The following AHCTF1 variants were observed in gnomAD, a reference collection of about 807,000 sequenced individuals.
AHCTF1 encodes the protein protein ELYS.
In AHCTF1, 24 loss-of-function variants were observed where a neutral mutation model predicts 248.4. That is an observed-to-expected ratio of 0.10 (90% CI 0.07 to 0.14). The LOEUF is 0.14. AHCTF1 is among the 10% of genes least tolerant of loss of function. The probability of loss-of-function intolerance (pLI) is 1.00; values close to 1 mark genes in which losing one functional copy is unlikely to be tolerated. For missense variants in AHCTF1, 2,206 were observed against 2,636.2 expected, an observed-to-expected ratio of 0.84 and a Z score of 3.57; for synonymous variants, 786 against 929.8, an observed-to-expected ratio of 0.85 and a Z score of 2.81.
At chr1:246,869,090 C>T (rs567379852) in intron 24 of AHCTF1, among the ~76,000 whole-genome samples, 82 of 151,212 alleles carry the variant, frequency 5.4e-4, no homozygotes, top group African/African-American at 1.3e-3. Flanking sequence ...GTGATCCGCC[C>T]GCCTTGGCCT....
At chr1:246,889,932 T>C (rs768295753) in intron 17 of AHCTF1, 34 bp downstream of exon 17, 5 of 1,513,598 alleles carry the variant, frequency 3.3e-6, no homozygotes, top group Non-Finnish European at 3.6e-6. Context: ...TTTGACTTCT[T>C]ACAGATGTAA....
rs968976814 is a variant in AHCTF1, at chr1:246,843,684, T to C, written c.6525+111A>G. 1.9e-5 allele frequency: 18 copies of C among 925,410 alleles called. No individual in the cohort carries two copies. In the African/African-American group the frequency reaches 2.8e-4, roughly 15 times the overall value. 57.3% of individuals were successfully genotyped at this position (925,410 alleles called of 1,614,324 possible). Reference sequence around the variant, plus strand: ...ATCTTTAAGACATTTATTTAAATAATAAACAAAATTTAAAATCATTAAAAT... The same window carrying C: ...ATCTTTAAGACATTTATTTAAATAACAAACAAAATTTAAAATCATTAAAAT... On this transcript the variant is annotated intron_variant, in intron 34 of 35. Transcript: ENST00000648844.
chr1:246,870,458 T>A lies in AHCTF1; in HGVS notation c.3089-2647A>T, dbSNP rs116706274. Among the ~76,000 whole-genome samples the A allele has an allele frequency of 8.2e-3, 1,245 of 152,174 alleles. 19 individuals carry two copies. The highest frequency in any genetic ancestry group is 0.029 in the African/African-American group (1,206 of 41,496). On this transcript the variant is annotated intron_variant, in intron 24 of 35. Transcript: ENST00000648844. Reference sequence around the variant, plus strand: ...AAAAACAGACTAAAGATGTGATGAATTGCTGTAATCTCATGATAAAACATG... The same window carrying A: ...AAAAACAGACTAAAGATGTGATGAAATGCTGTAATCTCATGATAAAACATG...
chr1:246,909,509 T>C (rs1460887114), intron 4 of AHCTF1, among the ~76,000 whole-genome samples: 1 of 151,886 alleles, frequency 6.6e-6, no homozygotes, highest in Non-Finnish European at 1.5e-5. Context: ...ATCCACACTG[T>C]ATAAGCCACC....
At chr1:246,870,848 C>T (rs776894710) in intron 24 of AHCTF1, among the ~76,000 whole-genome samples, 17 of 151,922 alleles carry the variant, frequency 1.1e-4, no homozygotes, top group South Asian at 2.1e-4. Flanking sequence ...TGAAAATGGC[C>T]GGATTCTGTC....
intron 33 of AHCTF1, among the ~76,000 whole-genome samples, chr1:246,845,964 TCTTA>T (rs59221281): frequency 0.21 from 32,304 of 151,330 alleles, 3,764 homozygotes; most frequent in East Asian, 0.41. Context: ...GAACAACACA[TCTTA>T]CTTATTCCCT....
chr1:246,849,052 G>GA (rs1660499936), intron 33 of AHCTF1, among the ~76,000 whole-genome samples: 1 of 152,108 alleles, frequency 6.6e-6, no homozygotes, highest in African/African-American at 2.4e-5. Flanking sequence ...TCCCTTTGGG[G>GA]AGAGATCACC....
At chr1:246,867,161 T>C (rs1662037419) in intron 26 of AHCTF1, 83 bp downstream of exon 26, 1 of 704,392 alleles carries the variant, frequency 1.4e-6, no homozygotes, top group Non-Finnish European at 2.3e-6. Flanking sequence ...TAAAAGTCTA[T>C]AAAATGTTAA....
At chr1:246,929,713 T>C (rs1667190612) in intron 1 of AHCTF1, among the ~76,000 whole-genome samples, 6 of 152,160 alleles carry the variant, frequency 3.9e-5, no homozygotes, top group Admixed American at 3.9e-4. Context: ...TCCCTGAAAA[T>C]ATTAAAGGTA....
chr1:246,853,063 A>T (rs1409575411), intron 32 of AHCTF1, 28 bp downstream of exon 32: 4 of 1,556,570 alleles, frequency 2.6e-6, no homozygotes, highest in Middle Eastern at 1.7e-4. Flanking sequence ...AAAGACTGAT[A>T]AAGAAGTAAA....
chr1:246,869,981 G>A (rs892364501), intron 24 of AHCTF1, among the ~76,000 whole-genome samples: 2 of 152,228 alleles, frequency 1.3e-5, no homozygotes, highest in African/African-American at 4.8e-5. Flanking sequence ...CACCATTCTA[G>A]ATGCCATTCA....
intron 24 of AHCTF1, among the ~76,000 whole-genome samples, chr1:246,868,414 C>T (rs1487121045): frequency 6.8e-6 from 1 of 147,970 alleles, no homozygotes; most frequent in Non-Finnish European, 1.5e-5. Context: ...AGCCACTGCG[C>T]CTGGCAATTT....
At chr1:246,878,376 G>A (rs991622757) in intron 21 of AHCTF1, among the ~76,000 whole-genome samples, 2 of 92,450 alleles carry the variant, frequency 2.2e-5, no homozygotes, top group African/African-American at 8.7e-5. Flanking sequence ...CAGCCTGGCA[G>A]ACAGAGCAAG....
chr1:246,840,742 T>C lies in AHCTF1; in HGVS notation c.*64A>G. The stretch of plus-strand genomic sequence containing the variant: ...AAATTATTTTCTTCCAAACTAGATA[T>C]TTAATAATCCACACTATTCTGATGA... On this transcript the variant is annotated 3_prime_UTR_variant, in exon 36 of 36. Coordinates refer to ENST00000648844, the MANE Select transcript of AHCTF1 (RefSeq NM_001323342.2). The C allele has an allele frequency of 8.4e-7, 1 of 1,196,690 alleles. No homozygotes were observed. The highest frequency in any genetic ancestry group is 1.1e-6 in the Non-Finnish European group (1 of 878,378). The allele number at this position is 1,196,690 out of a possible 1,614,324, so 74.1% of individuals were successfully genotyped here. A position where few individuals can be genotyped will look rare whatever the true frequency, so the allele number is the denominator to read the frequency against.
At chr1:246,845,374 G>GA (rs1466736456) in intron 33 of AHCTF1, among the ~76,000 whole-genome samples, 2 of 148,554 alleles carry the variant, frequency 1.3e-5, no homozygotes, top group Admixed American at 6.6e-5. Context: ...TTAAAAAAAA[G>GA]AAAAATAGAG....
intron 12 of AHCTF1, among the ~76,000 whole-genome samples, chr1:246,896,843 G>GT (rs1664610319): frequency 1.3e-5 from 2 of 152,308 alleles, no homozygotes; most frequent in South Asian, 2.1e-4. Flanking sequence ...TCCCATGAAT[G>GT]TAAGTTGAAC....
At chr1:246,926,668 T>A (rs1666937557) in intron 1 of AHCTF1, among the ~76,000 whole-genome samples, 1 of 150,004 alleles carries the variant, frequency 6.7e-6, no homozygotes, top group South Asian at 2.2e-4. Flanking sequence ...CCAGCCTCAC[T>A]AACAGGGTGA....
At chr1:246,858,739 C>A (rs1383821438) in intron 29 of AHCTF1, among the ~76,000 whole-genome samples, 13 of 149,046 alleles carry the variant, frequency 8.7e-5, no homozygotes, top group African/African-American at 2.7e-4. Context: ...GCAGAGGTTG[C>A]GGTGAGCCGA....
chr1:246,926,213 G>C (rs1666910470), intron 1 of AHCTF1, among the ~76,000 whole-genome samples: 1 of 152,112 alleles, frequency 6.6e-6, no homozygotes, highest in Admixed American at 6.5e-5. Context: ...AGAACCATGA[G>C]GCAAAATAAA....
Sources: allele counts gnomAD v4.1 joint callset (sites outside exome capture counted in the v4.1 genomes callset), GRCh38; gene constraint gnomAD v4.1.1; transcripts MANE v1.5; gene names NCBI Gene and HGNC (gene_info 2026-07-23, HGNC 2026-07-21).